TRPM2: variants seen among roughly 807,000 people sequenced by gnomAD.
TRPM2 encodes the protein estrogen-responsive element-associated gene 1 protein.
A neutral mutation model predicts 174.0 loss-of-function variants in TRPM2; 161 were observed. That is an observed-to-expected ratio of 0.93 (90% CI 0.81 to 1.05). TRPM2 has a LOEUF of 1.05. TRPM2 is among the 50% of genes least tolerant of loss of function. The pLI is 0.00. For missense variants in TRPM2, 2,057 were observed against 2,038.0 expected (o/e 1.01, Z -0.18); for synonymous variants, 954 against 861.3 (o/e 1.11, Z -1.88).
intron 29 of TRPM2, 115 bp downstream of exon 29, chr21:44,437,282 T>C (rs1040965341): frequency 1.0e-5 from 10 of 1,002,722 alleles, no homozygotes; most frequent in East Asian, 2.6e-5. Context: ...CTGCAGCCCC[T>C]GGGCAGGGAG....
chr21:44,404,359 CAT>C (rs1234955051), intron 16 of TRPM2, among the ~76,000 whole-genome samples: 1 of 145,656 alleles, frequency 6.9e-6, no homozygotes, highest in African/African-American at 2.6e-5. Context: ...CATGCAGACA[CAT>C]ACAGAATGCA....
rs960417283 is a variant in TRPM2 at position 44,382,606 on chromosome 21, G to A, written c.1216-112G>A. On this transcript the variant is annotated intron_variant, in intron 8 of 31. Transcript: ENST00000397928. ...ATGTGGTGGTGTCCTGGCCACAAGC[G>A]CAGGCAGGACCCAAGGCTCTGGCTG... 40 of 962,086 alleles carry A rather than the reference G, an allele frequency of 4.2e-5. No individual in the cohort carries two copies. The Middle Eastern group carries it at 7.3e-4, about 17-fold the overall frequency. The allele number at this position is 962,086 out of a possible 1,614,324, so 59.6% of individuals were successfully genotyped here. A position where few individuals can be genotyped will look rare whatever the true frequency, so the allele number is the denominator to read the frequency against.
upstream of TRPM2, among the ~76,000 whole-genome samples, chr21:44,351,181 A>T (rs2047921061): frequency 6.6e-6 from 1 of 152,080 alleles, no homozygotes. Flanking sequence ...GCACACCAGG[A>T]TCCTCTCGAG....
At chr21:44,424,102 A>G (rs45542732) in intron 23 of TRPM2, among the ~76,000 whole-genome samples, 1 of 152,214 alleles carries the variant, frequency 6.6e-6, no homozygotes, top group East Asian at 1.9e-4. Context: ...ACGGCCTCTC[A>G]GGGTCTGCTC....
intron 6 of TRPM2, among the ~76,000 whole-genome samples, chr21:44,377,144 C>T (rs983374554): frequency 2.0e-5 from 3 of 152,168 alleles, no homozygotes; most frequent in South Asian, 2.1e-4. Context: ...TGTGTGAAGA[C>T]GATGGGCCCA....
chr21:44,426,912 C>A, intron 26 of TRPM2, 98 bp from the exon 27 acceptor site: 2 of 1,377,214 alleles, frequency 1.5e-6, no homozygotes, highest in Non-Finnish European at 2.0e-6. Flanking sequence ...CCTGCAGCTA[C>A]TCGGCTGGGC....
In TRPM2 at chr21:44,413,987, T is replaced by A; in HGVS notation, c.3059T>A (p.Phe1020Tyr). 1.9e-6 allele frequency: 3 copies of A among 1,613,854 alleles called. No individual in the cohort carries two copies. Among genetic ancestry groups the A allele is most frequent in the Non-Finnish European group, 2.5e-6 (3 of 1,180,002 alleles). ...GACGCGACGCAGCAGAGGCCGGCCT[T>A]CCCTGAGTGGCTGACGGTCCTCCTA... is the stretch of plus-strand genomic sequence containing the variant. ...ESDATQQRPA[F>Y]PEWLTVLLLC... The change falls in exon 20 of 32, where the codon TTC becomes TAC. Residue 1020 changes from phenylalanine (F) to tyrosine (Y), a missense_variant. By Grantham distance (22) the Phe-to-Tyr change is conservative. Coordinates refer to ENST00000397928, the MANE Select transcript of TRPM2 (RefSeq NM_003307.4).
intron 22 of TRPM2, among the ~76,000 whole-genome samples, chr21:44,419,638 G>T (rs377346903): frequency 7.8e-4 from 118 of 151,362 alleles, no homozygotes; most frequent in African/African-American, 2.7e-3. Context: ...TGTGATGGTG[G>T]TGGTGTTGGT....
chr21:44,426,791 A>G, intron 26 of TRPM2, 55 bp downstream of exon 26: 2 of 1,592,548 alleles, frequency 1.3e-6, no homozygotes, highest in Non-Finnish European at 1.7e-6. Context: ...AGGGCCTCCT[A>G]GGGGCTCCCT....
chr21:44,429,814 A>T (rs1327121470), intron 27 of TRPM2, among the ~76,000 whole-genome samples: 1 of 152,058 alleles, frequency 6.6e-6, no homozygotes, highest in Non-Finnish European at 1.5e-5. Flanking sequence ...TGCTGGGTAA[A>T]TTCTTCAGTG....
intron 8 of TRPM2, among the ~76,000 whole-genome samples, chr21:44,381,649 G>T (rs1461913810): frequency 6.6e-6 from 1 of 152,080 alleles, no homozygotes. Flanking sequence ...GCTCACAATT[G>T]TAATCCCAGC....
chr21:44,357,867 G>T (rs13313851), intron 2 of TRPM2, among the ~76,000 whole-genome samples: 38,611 of 152,058 alleles, frequency 0.25, 5,439 homozygotes, highest in African/African-American at 0.39. Context: ...CACAGAAGCC[G>T]CTCTCATCTC....
At position 44,436,483 on chromosome 21, in the gene TRPM2, C is replaced by T. The variant is rs45464295; in HGVS notation, c.4062-579C>T. Among the ~76,000 whole-genome samples the T allele has an allele frequency of 3.4e-3, 509 of 151,394 alleles. 3 individuals carry two copies. Among genetic ancestry groups the T allele is most frequent in the African/African-American group, 0.011 (461 of 41,198 alleles). On this transcript the variant is annotated intron_variant, in intron 28 of 31. Coordinates refer to ENST00000397928, the MANE Select transcript of TRPM2 (RefSeq NM_003307.4). ...CTCCTTGGCCTGCCCAGGTGGCACTCGGCACCCCACGTCACCCCCACGTCA... is the reference window on the plus strand; with the variant it reads ...CTCCTTGGCCTGCCCAGGTGGCACTTGGCACCCCACGTCACCCCCACGTCA...
chr21:44,436,531 C>A, intron 28 of TRPM2, among the ~76,000 whole-genome samples: 1 of 147,972 alleles, frequency 6.8e-6, no homozygotes, highest in Admixed American at 6.7e-5. Context: ...ACTCTGCACC[C>A]CATGTGACCC....
At position 44,399,332 on chromosome 21, in the gene TRPM2, G is replaced by C; in HGVS notation, c.2099G>C (p.Arg700Thr). ...FTECYRKDEE[R>T]AQKLLTRVSE... ...GAGTGCTACCGGAAGGACGAAGAGA[G>C]AGCCCAGAAACTGCTCACCCGCGTG... Residue 700 changes from arginine (R) to threonine (T), a missense_variant, in exon 14 of 32, where the codon AGA becomes ACA. Coordinates refer to ENST00000397928, the MANE Select transcript of TRPM2 (RefSeq NM_003307.4). This position sits in a 1 kb window ranked among gnomAD's most constrained non-coding sequence, Gnocchi z 4.6. 1 of 1,612,798 alleles carries C rather than the reference G, an allele frequency of 6.2e-7. No homozygotes were observed. The highest frequency in any genetic ancestry group is 8.5e-7 in the Non-Finnish European group (1 of 1,179,890).
intron 9 of TRPM2, among the ~76,000 whole-genome samples, 184 bp downstream of exon 9, chr21:44,383,004 G>C (rs564411361): frequency 5.6e-4 from 86 of 152,310 alleles, no homozygotes; most frequent in Non-Finnish European, 6.8e-4. Context: ...TGATGTTAGA[G>C]GTATGAGCTC....
At chr21:44,403,517 CATGCACACAA>C (rs1177862275) in intron 16 of TRPM2, among the ~76,000 whole-genome samples, 2 of 151,238 alleles carry the variant, frequency 1.3e-5, no homozygotes, top group Admixed American at 6.6e-5. Context: ...CACATGTACA[CATGCACACAA>C]ATGCACACAC....
intron 2 of TRPM2, among the ~76,000 whole-genome samples, chr21:44,362,407 G>A (rs2048240369): frequency 6.6e-6 from 1 of 150,826 alleles, no homozygotes; most frequent in Admixed American, 6.6e-5. Context: ...AGCTACTTGG[G>A]AGGTTGAGGT....
intron 2 of TRPM2, among the ~76,000 whole-genome samples, chr21:44,362,500 G>A (rs1380810341): frequency 1.3e-5 from 2 of 150,356 alleles, no homozygotes; most frequent in Non-Finnish European, 2.9e-5. Flanking sequence ...GTGACAGAGC[G>A]AGATTCCATT....
Sources: allele counts gnomAD v4.1 joint callset (sites outside exome capture counted in the v4.1 genomes callset), GRCh38; gene constraint gnomAD v4.1.1; non-coding constraint Gnocchi (gnomAD v3.1); transcripts MANE v1.5; gene names NCBI Gene and HGNC (gene_info 2026-07-23, HGNC 2026-07-21).